Variants in LRRC4C observed in about 807,000 individuals in gnomAD.
The protein encoded by LRRC4C is leucine-rich repeat-containing protein 4C.
LRRC4C carries 5 observed loss-of-function variants against 33.6 expected under a neutral mutation model. The ratio of observed to expected loss-of-function variants is 0.15; its 90% CI spans 0.08 to 0.31. The LOEUF is 0.31. Among genes scored for constraint, LRRC4C ranks in the 10% least tolerant of loss-of-function variants. LRRC4C has a pLI of 1.00. For synonymous variants in LRRC4C, 329 were observed against 302.0 expected (o/e 1.09, Z -0.93); for missense variants, 560 against 796.7 (o/e 0.70, Z 3.58).
intron 1 of LRRC4C, among the ~76,000 whole-genome samples, chr11:41,192,885 C>A (rs1272300731): frequency 2.0e-5 from 3 of 151,902 alleles, no homozygotes; most frequent in Non-Finnish European, 4.4e-5. Flanking sequence ...AAGAGGCAGC[C>A]CATAAGTCCC....
intron 2 of LRRC4C, among the ~76,000 whole-genome samples, chr11:40,908,153 A>G (rs529486467): frequency 3.1e-4 from 47 of 152,268 alleles, no homozygotes; most frequent in African/African-American, 1.0e-3. Flanking sequence ...GATTTGTAGA[A>G]TCTACGTACC....
rs1253612508 is a variant in LRRC4C at position 40,967,225 on chromosome 11, G to T, written c.-495-33502C>A. On this transcript the variant is annotated intron_variant, in intron 1 of 6. Transcript: ENST00000528697. ...GAAGGAAGGAAGAAAGAAGGAAAAA[G>T]GAAAGAAAGTCAGGGAAAGAGAAGA... is the stretch of plus-strand genomic sequence containing the variant. 4.6e-5 allele frequency among the ~76,000 whole-genome samples: 7 copies of T among 151,776 alleles called. No homozygotes were observed. In the Admixed American group the frequency reaches 4.6e-4, roughly 10 times the overall value.
chr11:41,062,698 A>G (rs1937878955), intron 1 of LRRC4C, among the ~76,000 whole-genome samples: 1 of 152,210 alleles, frequency 6.6e-6, no homozygotes. Flanking sequence ...GAAACTTGGA[A>G]TGTGACATTG....
rs541905133 is a variant in LRRC4C at position 40,982,408 on chromosome 11, G to C, written c.-495-48685C>G. Among the ~76,000 whole-genome samples the C allele has an allele frequency of 2.0e-5, 3 of 152,264 alleles. 1 individual carries two copies. In the South Asian group the frequency reaches 6.2e-4, roughly 32 times the overall value. Reference sequence around the variant, plus strand: ...GTGCCTTTTTTCTTACATGTAAAATGAAAGAAGATATTTCCATCCATTTGT... The same window carrying C: ...GTGCCTTTTTTCTTACATGTAAAATCAAAGAAGATATTTCCATCCATTTGT... On this transcript the variant is annotated intron_variant, in intron 1 of 6. Coordinates refer to ENST00000528697, the MANE Select transcript of LRRC4C (RefSeq NM_001258419.2).
At chr11:40,865,798 T>A (rs1358473788) in intron 2 of LRRC4C, among the ~76,000 whole-genome samples, 1 of 151,598 alleles carries the variant, frequency 6.6e-6, no homozygotes, top group Non-Finnish European at 1.5e-5. Context: ...AAATACAGAG[T>A]GCAAATAAAA....
intron 3 of LRRC4C, among the ~76,000 whole-genome samples, chr11:40,345,164 T>C (rs553543801): frequency 2.6e-5 from 4 of 152,102 alleles, no homozygotes; most frequent in African/African-American, 9.6e-5. Flanking sequence ...TATCAAACTA[T>C]CAATAACATT....
intron 5 of LRRC4C, among the ~76,000 whole-genome samples, chr11:40,185,135 T>C (rs1861304499): frequency 6.6e-6 from 1 of 152,198 alleles, no homozygotes; most frequent in African/African-American, 2.4e-5. Flanking sequence ...AGTGATATGT[T>C]GAAATGGTTA....
intron 3 of LRRC4C, among the ~76,000 whole-genome samples, chr11:40,361,716 C>A (rs1947958813): frequency 6.6e-6 from 1 of 152,148 alleles, no homozygotes; most frequent in African/African-American, 2.4e-5. Flanking sequence ...ACTACCAGTT[C>A]CCATTAAACT....
intron 6 of LRRC4C, among the ~76,000 whole-genome samples, chr11:40,131,307 C>T (rs898976847): frequency 1.3e-5 from 2 of 152,232 alleles, no homozygotes; most frequent in Non-Finnish European, 2.9e-5. Flanking sequence ...ATAATTACTC[C>T]TTGTCACCCT....
chr11:40,361,681 C>A (rs972678089), intron 3 of LRRC4C, among the ~76,000 whole-genome samples: 1 of 152,130 alleles, frequency 6.6e-6, no homozygotes, highest in African/African-American at 2.4e-5. Context: ...CTGCCCAAGG[C>A]AATTTATAGC....
chr11:40,677,900 A>G (rs2136309591), intron 2 of LRRC4C, among the ~76,000 whole-genome samples: 1 of 152,264 alleles, frequency 6.6e-6, no homozygotes, highest in East Asian at 1.9e-4. Context: ...CCGGAGTTTT[A>G]CGTGCTATCT....
intron 1 of LRRC4C, among the ~76,000 whole-genome samples, chr11:41,129,273 T>C (rs146124523): frequency 4.7e-4 from 72 of 152,082 alleles, no homozygotes; most frequent in African/African-American, 1.7e-3. Flanking sequence ...AAGTGCATGT[T>C]TGGCAATTTG....
intron 1 of LRRC4C, among the ~76,000 whole-genome samples, chr11:41,449,938 T>G (rs1442324159): frequency 2.6e-5 from 4 of 152,152 alleles, no homozygotes; most frequent in Non-Finnish European, 5.9e-5. Context: ...AATTTCTAAA[T>G]GTATTATTGT....
intron 1 of LRRC4C, among the ~76,000 whole-genome samples, chr11:40,963,811 C>T (rs938944552): frequency 3.3e-5 from 5 of 151,754 alleles, no homozygotes; most frequent in Non-Finnish European, 4.4e-5. Context: ...ACTCAAATAA[C>T]GATTTAAGTG....
intron 3 of LRRC4C, among the ~76,000 whole-genome samples, chr11:40,337,655 G>A (rs986925929): frequency 6.6e-6 from 1 of 152,154 alleles, no homozygotes; most frequent in East Asian, 1.9e-4. Context: ...TCCCAGAAGC[G>A]CTTGGGTTTG....
intron 2 of LRRC4C, among the ~76,000 whole-genome samples, chr11:40,685,961 C>T (rs1027784254): frequency 6.6e-6 from 1 of 151,192 alleles, no homozygotes; most frequent in Non-Finnish European, 1.5e-5. Context: ...ACTTAACAGT[C>T]ATTAAAAAAA....
intron 1 of LRRC4C, among the ~76,000 whole-genome samples, chr11:41,419,000 T>G (rs533237999): frequency 1.3e-5 from 2 of 152,028 alleles, no homozygotes; most frequent in East Asian, 3.9e-4. Flanking sequence ...ATATGCCCAG[T>G]GTTGTATCAT....
chr11:40,737,048 T>C (rs1338224617), intron 2 of LRRC4C, among the ~76,000 whole-genome samples: 7 of 152,156 alleles, frequency 4.6e-5, no homozygotes, highest in Non-Finnish European at 7.4e-5. Context: ...TTGCTTTTGG[T>C]GTTTTAGTAC....
intron 2 of LRRC4C, among the ~76,000 whole-genome samples, chr11:40,696,041 A>ATGTGTGTGTGTG (rs567120072): frequency 9.2e-4 from 133 of 143,976 alleles, no homozygotes; most frequent in African/African-American, 3.4e-3. Flanking sequence ...GTATATATAT[A>ATGTGTGTGTGTG]TGTGTGTGTG....
Sources: gnomAD v4.1 joint callset for allele counts (sites outside exome capture counted in the v4.1 genomes callset) on GRCh38, gnomAD v4.1.1 for gene constraint, MANE v1.5 for transcripts, NCBI Gene and HGNC (gene_info 2026-07-23, HGNC 2026-07-21) for gene names.